CSMD1: variants seen among roughly 807,000 people sequenced by gnomAD.
CSMD1 encodes CUB and sushi domain-containing protein 1.
In CSMD1, 213 loss-of-function variants were observed where a neutral mutation model predicts 417.5. That is an observed-to-expected ratio of 0.51 (90% CI 0.46 to 0.57). The LOEUF (loss-of-function observed/expected upper bound fraction) is 0.57, where lower values mean the gene tolerates loss of function less well. CSMD1 is among the 20% of genes least tolerant of loss of function. The pLI is 0.00. For missense variants in CSMD1, 6,923 were observed against 4,529.7 expected (o/e 1.53, Z -15.17); for synonymous variants, 2,862 against 1,736.8 (o/e 1.65, Z -16.11).
intron 1 of CSMD1, among the ~76,000 whole-genome samples, chr8:4,944,656 A>G (rs11997769): frequency 0.51 from 77,416 of 151,992 alleles, 20,935 homozygotes; most frequent in East Asian, 0.79. Context: ...GATGTTCGAT[A>G]TTATTGATCA....
At chr8:3,398,807 T>C (rs866435047) in intron 16 of CSMD1, among the ~76,000 whole-genome samples, 10 of 152,226 alleles carry the variant, frequency 6.6e-5, no homozygotes, top group Admixed American at 4.6e-4. Flanking sequence ...CTGCTTATTT[T>C]TTAATAAACA....
intron 4 of CSMD1, among the ~76,000 whole-genome samples, chr8:4,002,871 G>A (rs541557259): frequency 6.6e-6 from 1 of 152,116 alleles, no homozygotes. Flanking sequence ...ATTAAATAAT[G>A]GGTAACTTGT....
intron 2 of CSMD1, among the ~76,000 whole-genome samples, chr8:4,550,484 G>T (rs923468496): frequency 1.3e-5 from 2 of 151,940 alleles, no homozygotes; most frequent in Admixed American, 1.3e-4. Flanking sequence ...TGATACATCA[G>T]CTTATTCTCT....
chr8:3,075,170 G>C (rs1813567110), intron 49 of CSMD1, among the ~76,000 whole-genome samples: 1 of 152,198 alleles, frequency 6.6e-6, no homozygotes, highest in African/African-American at 2.4e-5. Flanking sequence ...CCCAGAAGCA[G>C]ATGCTGCCAT....
intron 51 of CSMD1, 93 bp from the exon 52 acceptor site, chr8:3,018,743 A>G: frequency 2.4e-6 from 3 of 1,225,430 alleles, no homozygotes; most frequent in Non-Finnish European, 3.4e-6. Context: ...AAAAAAAACC[A>G]AAAAACTATT....
In CSMD1 at chr8:3,189,446, T is replaced by C. The variant is rs74532569; in HGVS notation, c.5399-435A>G. On this transcript the variant is annotated intron_variant, in intron 34 of 69. Coordinates refer to ENST00000635120, the MANE Select transcript of CSMD1 (RefSeq NM_033225.6). ...GCTTAAAATGTACAAATGATTCAAGTGCTAATCATGATTGCGCTGGAGCTT... is the reference window on the plus strand; with the variant it reads ...GCTTAAAATGTACAAATGATTCAAGCGCTAATCATGATTGCGCTGGAGCTT... Among the ~76,000 whole-genome samples, 828 of 152,368 alleles carry C rather than the reference T, an allele frequency of 5.4e-3. 37 individuals carry two copies. The East Asian group carries it at 0.084, about 15-fold the overall frequency.
At chr8:2,947,521 C>T (rs1005624761) in intron 68 of CSMD1, among the ~76,000 whole-genome samples, 2 of 152,046 alleles carry the variant, frequency 1.3e-5, no homozygotes, top group African/African-American at 4.8e-5. Context: ...AATAAAAATC[C>T]CTTGTTAAAC....
chr8:4,500,161 A>G (rs2130276489), intron 2 of CSMD1, among the ~76,000 whole-genome samples: 1 of 152,280 alleles, frequency 6.6e-6, no homozygotes, highest in Non-Finnish European at 1.5e-5. Flanking sequence ...GGTGAAAAGT[A>G]TAAAGAGGCT....
chr8:3,948,477 T>G (rs538574046), intron 5 of CSMD1, among the ~76,000 whole-genome samples: 6 of 152,066 alleles, frequency 3.9e-5, no homozygotes, highest in Non-Finnish European at 8.8e-5. Context: ...GCAGGGAAAT[T>G]TTCTCCAGAA....
chr8:3,230,009 T>A (rs143876326), intron 27 of CSMD1, 31 bp downstream of exon 27: 1 of 1,446,596 alleles, frequency 6.9e-7, no homozygotes, highest in Admixed American at 2.4e-5. Context: ...CATTCCTGAA[T>A]ATAAAATTTC....
rs547544312 is a variant in CSMD1 at position 3,396,130 on chromosome 8, C to T, written c.2593+64G>A. ...GTCATCTGCAGGCTGGAAATAAGAACCCAGATCTTTAGTTCTCCCATGCAT... is the reference window on the plus strand; with the variant it reads ...GTCATCTGCAGGCTGGAAATAAGAATCCAGATCTTTAGTTCTCCCATGCAT... On this transcript the variant is annotated intron_variant, in intron 17 of 69. Transcript: ENST00000635120. 288 of 1,409,858 alleles carry T rather than the reference C, an allele frequency of 2.0e-4. 12 individuals are homozygous for T. The South Asian group carries it at 3.5e-3, about 17-fold the overall frequency. 87.3% of individuals were successfully genotyped at this position (1,409,858 alleles called of 1,614,324 possible). A position where few individuals can be genotyped will look rare whatever the true frequency, so the allele number is the denominator to read the frequency against.
intron 1 of CSMD1, among the ~76,000 whole-genome samples, chr8:4,830,564 A>T (rs147191646): frequency 6.6e-6 from 1 of 152,332 alleles, no homozygotes; most frequent in Non-Finnish European, 1.5e-5. Context: ...GAGACATCAT[A>T]AGCCATTACA....
At chr8:4,440,377 T>C (rs2129675407) in intron 2 of CSMD1, among the ~76,000 whole-genome samples, 1 of 152,270 alleles carries the variant, frequency 6.6e-6, no homozygotes, top group African/African-American at 2.4e-5. Context: ...ATACAATGAA[T>C]AAGGAGTCAG....
chr8:4,844,234 T>C (rs182892437), intron 1 of CSMD1, among the ~76,000 whole-genome samples: 1 of 152,146 alleles, frequency 6.6e-6, no homozygotes, highest in Non-Finnish European at 1.5e-5. Context: ...AGTAGTAAGG[T>C]TACATTTTCC....
intron 68 of CSMD1, among the ~76,000 whole-genome samples, chr8:2,944,894 T>C (rs543453673): frequency 6.6e-6 from 1 of 152,134 alleles, no homozygotes; most frequent in African/African-American, 2.4e-5. Flanking sequence ...CCATAATAGA[T>C]AACAAAATTC....
At chr8:3,389,613 GAATA>G (rs1811222712) in intron 17 of CSMD1, among the ~76,000 whole-genome samples, 1 of 49,888 alleles carries the variant, frequency 2.0e-5, no homozygotes, top group Admixed American at 2.1e-4. Context: ...GATTATCTTA[GAATA>G]AGTGAGGATT....
At chr8:3,815,188 CA>C (rs1309168725) in intron 5 of CSMD1, among the ~76,000 whole-genome samples, 1 of 152,154 alleles carries the variant, frequency 6.6e-6, no homozygotes, top group Admixed American at 6.5e-5. Flanking sequence ...AGTCCCAGGT[CA>C]ACATAGTTTC....
Position 2,998,177 on chromosome 8 carries a change from T to G in CSMD1, c.8211A>C (p.Thr2737=). ...GGGCAGGGTTTCCAGGGTGACCACATGTGATGGCTGTAGAGAGACAGGTCA... is the reference window on the plus strand; with the variant it reads ...GGGCAGGGTTTCCAGGGTGACCACAGGTGATGGCTGTAGAGAGACAGGTCA... The part of the protein sequence containing the change: ...SGQTPVCVPI[T]CGHPGNPAHG... Residue 2737 remains threonine (T), a synonymous_variant, in exon 54 of 70, where the codon ACA becomes ACC. Coordinates refer to ENST00000635120, the MANE Select transcript of CSMD1 (RefSeq NM_033225.6). The G allele has an allele frequency of 6.2e-7, 1 of 1,613,916 alleles. No individual in the cohort carries two copies. The highest frequency in any genetic ancestry group is 1.1e-5 in the South Asian group (1 of 91,084).
At chr8:4,061,071 T>C (rs1312836685) in intron 3 of CSMD1, among the ~76,000 whole-genome samples, 1 of 151,964 alleles carries the variant, frequency 6.6e-6, no homozygotes, top group Non-Finnish European at 1.5e-5. Context: ...CTACATTTAA[T>C]TTGTTTGTTG....
Sources: gnomAD v4.1 joint callset for allele counts (sites outside exome capture counted in the v4.1 genomes callset) on GRCh38, gnomAD v4.1.1 for gene constraint, MANE v1.5 for transcripts, NCBI Gene and HGNC (gene_info 2026-07-23, HGNC 2026-07-21) for gene names.